Variants in ATP11A observed in about 807,000 individuals in gnomAD.
ATP11A encodes the protein phospholipid-transporting ATPase IH.
Under a neutral mutation model 154.4 loss-of-function variants are expected in ATP11A, and 81 were observed. The observed-to-expected ratio is 0.52, with a 90% CI of 0.44 to 0.63. The LOEUF is 0.63. Among genes scored for constraint, ATP11A ranks in the 30% least tolerant of loss-of-function variants. The probability of loss-of-function intolerance (pLI) is 0.00; values close to 1 mark genes in which losing one functional copy is unlikely to be tolerated. For missense variants in ATP11A, 1,316 were observed against 1,474.3 expected, an observed-to-expected ratio of 0.89 and a Z score of 1.76; for synonymous variants, 623 against 585.9, an observed-to-expected ratio of 1.06 and a Z score of -0.91.
At chr13:112,810,751 G>C in intron 5 of ATP11A, 25 bp downstream of exon 5, 1 of 1,595,808 alleles carries the variant, frequency 6.3e-7, no homozygotes, top group Non-Finnish European at 8.6e-7. Flanking sequence ...ACACATTTAC[G>C]CTGGTGAAGT....
At chr13:112,787,834 AATTCACACCG>A in intron 2 of ATP11A, among the ~76,000 whole-genome samples, 1 of 140,520 alleles carries the variant, frequency 7.1e-6, no homozygotes, top group African/African-American at 2.8e-5. Context: ...CCGGTGTCCT[AATTCACACCG>A]GTGTCCTGAT....
intron 1 of ATP11A, chr13:112,717,632 C>T (rs1888618946): frequency 6.6e-6 from 1 of 152,232 alleles, no homozygotes; most frequent in Non-Finnish European, 1.5e-5. Context: ...TTTCAGTTCT[C>T]TGCACTGCTT....
chr13:112,705,853 C>T (rs1887087335), intron 1 of ATP11A, among the ~76,000 whole-genome samples: 2 of 152,104 alleles, frequency 1.3e-5, no homozygotes, highest in African/African-American at 4.8e-5. Flanking sequence ...AACGAATATA[C>T]AATACATTGA....
At chr13:112,834,459 T>G in intron 14 of ATP11A, 130 bp from the exon 15 acceptor site, 1 of 665,370 alleles carries the variant, frequency 1.5e-6, no homozygotes, top group East Asian at 2.6e-5. Context: ...TAATGCAGTT[T>G]ATAATCTCTG....
In ATP11A at chr13:112,730,343, G is replaced by A. The variant is rs78516795; in HGVS notation, c.39+39888G>A. 1.1e-3 allele frequency among the ~76,000 whole-genome samples: 174 copies of A among 152,356 alleles called. 2 individuals carry two copies. In the East Asian group the frequency reaches 0.029, roughly 25 times the overall value. ...AAGCCTCATGGAGGCCGGAGGACGG[G>A]CATTGATGAGGGAAGGTGAGGCTGG... On this transcript the variant is annotated intron_variant, in intron 1 of 29. Coordinates refer to ENST00000375645, the MANE Select transcript of ATP11A (RefSeq NM_015205.3).
rs571978829 is a variant in ATP11A, at chr13:112,883,788, C to T, written c.*1922C>T. On this transcript the variant is annotated 3_prime_UTR_variant, in exon 30 of 30. Transcript: ENST00000375645. Reference sequence around the variant, plus strand: ...GTGTGGCCGCCCTGGCTTGGCAGCCCTGCCCACGCTGCCCCCGCAAACAAT... The same window carrying T: ...GTGTGGCCGCCCTGGCTTGGCAGCCTTGCCCACGCTGCCCCCGCAAACAAT... 5 of 152,714 alleles carry T rather than the reference C, an allele frequency of 3.3e-5. No individual in the cohort carries two copies. The highest frequency in any genetic ancestry group is 1.2e-4 in the African/African-American group (5 of 41,586). 9.5% of individuals were successfully genotyped at this position (152,714 alleles called of 1,614,324 possible).
At chr13:112,789,418 G>T (rs1229493878) in intron 2 of ATP11A, among the ~76,000 whole-genome samples, 1 of 147,338 alleles carries the variant, frequency 6.8e-6, no homozygotes, top group Non-Finnish European at 1.5e-5. Flanking sequence ...GACCCCTGTG[G>T]AGACCTACTT....
intron 1 of ATP11A, among the ~76,000 whole-genome samples, chr13:112,716,172 T>A (rs1373568735): frequency 6.6e-6 from 1 of 152,174 alleles, no homozygotes; most frequent in Non-Finnish European, 1.5e-5. Flanking sequence ...CACCCTGTGA[T>A]AGACCTTTTG....
intron 20 of ATP11A, 53 bp from the exon 21 acceptor site, chr13:112,857,764 AC>A: frequency 7.0e-7 from 1 of 1,419,024 alleles, no homozygotes; most frequent in East Asian, 2.3e-5. Context: ...TGAATGAATA[AC>A]CTGTTCAGAA....
At chr13:112,764,410 C>T (rs1239315041) in intron 1 of ATP11A, among the ~76,000 whole-genome samples, 1 of 152,200 alleles carries the variant, frequency 6.6e-6, no homozygotes, top group Admixed American at 6.5e-5. Context: ...GGAATGGGGA[C>T]ATTAGGAATA....
intron 17 of ATP11A, among the ~76,000 whole-genome samples, chr13:112,844,762 G>A (rs1015825561): frequency 6.6e-6 from 1 of 151,722 alleles, no homozygotes; most frequent in Admixed American, 6.6e-5. Flanking sequence ...CAAGTGCCGG[G>A]CACTAGCAGT....
At chr13:112,830,426 A>C (rs1310278105) in intron 12 of ATP11A, among the ~76,000 whole-genome samples, 1 of 152,082 alleles carries the variant, frequency 6.6e-6, no homozygotes, top group Non-Finnish European at 1.5e-5. Context: ...AAATACAAAA[A>C]TTAGCCAGAC....
At chr13:112,787,278 G>A (rs2077664475) in intron 2 of ATP11A, among the ~76,000 whole-genome samples, 1 of 126,602 alleles carries the variant, frequency 7.9e-6, no homozygotes, top group Admixed American at 7.3e-5. Flanking sequence ...AGACTCCTGT[G>A]GATACCTACT....
rs184594452 is a variant in ATP11A, at chr13:112,691,552, G to A, written c.39+1097G>A. 6.6e-5 allele frequency among the ~76,000 whole-genome samples: 10 copies of A among 151,152 alleles called. No homozygotes were observed. In the East Asian group the frequency reaches 2.0e-3, roughly 30 times the overall value. ...CCCAAGCACAGCGTTTCCTGCCACT[G>A]TCTTGCACAAGAGGCTTCATTGTTC... is the stretch of plus-strand genomic sequence containing the variant. On this transcript the variant is annotated intron_variant, in intron 1 of 29. Coordinates refer to ENST00000375645, the MANE Select transcript of ATP11A (RefSeq NM_015205.3).
At position 112,785,353 on chromosome 13, in the gene ATP11A, T is replaced by TGGCCCTGCTGTCACAGCCACC. The variant is rs2077598948; in HGVS notation, c.162+97_162+117dup. ...CGGTTTCAAAGAGCGGCTCTGCTCC[T>TGGCCCTGCTGTCACAGCCACC]GGCCCTGCTGTCACAGCCACCAGCC... On this transcript the variant is annotated intron_variant, in intron 2 of 29. Coordinates refer to ENST00000375645, the MANE Select transcript of ATP11A (RefSeq NM_015205.3). This position sits in a 1 kb window ranked among gnomAD's most constrained non-coding sequence, Gnocchi z 4.8. The TGGCCCTGCTGTCACAGCCACC allele has an allele frequency of 1.4e-5, 18 of 1,298,588 alleles. No homozygotes were observed. The East Asian group carries it at 5.2e-4, about 37-fold the overall frequency. 80.4% of individuals were successfully genotyped at this position (1,298,588 alleles called of 1,614,324 possible). A position where few individuals can be genotyped will look rare whatever the true frequency, so the allele number is the denominator to read the frequency against.
intron 1 of ATP11A, among the ~76,000 whole-genome samples, chr13:112,731,264 C>T (rs765504609): frequency 2.6e-5 from 4 of 152,114 alleles, no homozygotes; most frequent in Non-Finnish European, 2.9e-5. Flanking sequence ...CTACTGTGTC[C>T]GGCCTCCTAT....
intron 17 of ATP11A, 56 bp downstream of exon 17, chr13:112,842,435 G>A: frequency 1.6e-6 from 2 of 1,255,148 alleles, no homozygotes; most frequent in South Asian, 1.3e-5. Flanking sequence ...CTGTCAGGAA[G>A]GAATTCCATG....
At chr13:112,767,928 AC>A (rs1381032164) in intron 1 of ATP11A, among the ~76,000 whole-genome samples, 1 of 150,088 alleles carries the variant, frequency 6.7e-6, no homozygotes, top group Non-Finnish European at 1.5e-5. Context: ...TGGCTGGGGA[AC>A]CCCCTCCGGC....
intron 1 of ATP11A, among the ~76,000 whole-genome samples, chr13:112,779,130 G>A (rs2003130): frequency 0.017 from 493 of 29,798 alleles, 13 homozygotes; most frequent in African/African-American, 0.036. Context: ...GTGAGTAGCC[G>A]CTGGAGTGAG....
Sources: allele counts gnomAD v4.1 joint callset (sites outside exome capture counted in the v4.1 genomes callset), GRCh38; gene constraint gnomAD v4.1.1; non-coding constraint Gnocchi (gnomAD v3.1); transcripts MANE v1.5; gene names NCBI Gene and HGNC (gene_info 2026-07-23, HGNC 2026-07-21).